MAGI2: variants seen among roughly 807,000 people sequenced by gnomAD.
The protein encoded by MAGI2 is membrane associated guanylate kinase, WW and PDZ domain containing 2, also known as membrane-associated guanylate kinase, WW and PDZ domain-containing protein 2.
MAGI2 carries 35 observed loss-of-function variants against 133.3 expected under a neutral mutation model. That is an observed-to-expected ratio of 0.26 (90% CI 0.20 to 0.35). MAGI2 has a LOEUF of 0.35. Among genes scored for constraint, MAGI2 ranks in the 10% least tolerant of loss-of-function variants. The probability of loss-of-function intolerance (pLI) is 1.00; values close to 1 mark genes in which losing one functional copy is unlikely to be tolerated. For synonymous variants in MAGI2, 729 were observed against 710.6 expected (o/e 1.03, Z -0.41); for missense variants, 1,636 against 1,863.4 (o/e 0.88, Z 2.25).
At chr7:78,344,031 A>T in intron 8 of MAGI2, 71 bp from the exon 9 acceptor site, 1 of 1,419,748 alleles carries the variant, frequency 7.0e-7, no homozygotes, top group South Asian at 1.3e-5. Context: ...AGAGAAAGCC[A>T]GCCCCTGAGC....
In MAGI2 at chr7:78,178,118, T is replaced by C; in HGVS notation, c.2312-16A>G. On this transcript the variant is annotated splice_polypyrimidine_tract_variant and intron_variant, in intron 13 of 21. Transcript: ENST00000354212. ...TAATCTGGACCTGGCATAAAGGAGA[T>C]CCCATTGAGTAATGAATCCTGCCTC... The C allele has an allele frequency of 5.9e-6, 9 of 1,513,838 alleles. No homozygotes were observed. The highest frequency in any genetic ancestry group is 8.3e-6 in the Non-Finnish European group (9 of 1,089,396). The allele number at this position is 1,513,838 out of a possible 1,614,324, so 93.8% of individuals were successfully genotyped here.
intron 3 of MAGI2, among the ~76,000 whole-genome samples, chr7:78,589,084 T>C (rs960139554): frequency 8.5e-5 from 13 of 152,254 alleles, no homozygotes; most frequent in African/African-American, 2.6e-4. Context: ...GCTATTGTAT[T>C]CCCAAACTCC....
intron 5 of MAGI2, chr7:78,490,091 C>A: frequency 4.4e-6 from 2 of 456,212 alleles, no homozygotes; most frequent in South Asian, 6.0e-5. Context: ...CCAAGTTAAC[C>A]TCATTGAAAA....
At chr7:78,337,140 A>G (rs997611685) in intron 9 of MAGI2, among the ~76,000 whole-genome samples, 4 of 152,224 alleles carry the variant, frequency 2.6e-5, no homozygotes, top group Admixed American at 2.6e-4. Flanking sequence ...ATGTTACATC[A>G]AACTTGATTT....
At chr7:78,430,711 G>A (rs765462084) in intron 6 of MAGI2, among the ~76,000 whole-genome samples, 8 of 152,100 alleles carry the variant, frequency 5.3e-5, no homozygotes, top group Non-Finnish European at 1.0e-4. Flanking sequence ...CCCCAAAAGT[G>A]TAGTAATTTG....
intron 21 of MAGI2, among the ~76,000 whole-genome samples, chr7:78,048,448 C>T (rs1176855640): frequency 2.6e-5 from 4 of 152,070 alleles, no homozygotes; most frequent in Non-Finnish European, 5.9e-5. Flanking sequence ...CTCGTTGTTC[C>T]TCACGCTCAT....
intron 20 of MAGI2, among the ~76,000 whole-genome samples, chr7:78,123,116 C>A (rs1820624754): frequency 6.6e-6 from 1 of 152,134 alleles, no homozygotes; most frequent in African/African-American, 2.4e-5. Context: ...GCAGACGTGA[C>A]AATGATATAT....
intron 1 of MAGI2, among the ~76,000 whole-genome samples, chr7:79,352,290 T>C (rs1473774470): frequency 1.3e-5 from 2 of 152,174 alleles, no homozygotes; most frequent in African/African-American, 2.4e-5. Flanking sequence ...TTTGTCTCAT[T>C]TGGGAAAATA....
intron 2 of MAGI2, among the ~76,000 whole-genome samples, chr7:79,005,457 T>G (rs897956027): frequency 7.9e-5 from 12 of 152,184 alleles, no homozygotes; most frequent in Non-Finnish European, 1.3e-4. Flanking sequence ...CGTAGTCTTC[T>G]TTGGTACTCT....
chr7:78,609,820 T>A (rs566598164), intron 3 of MAGI2, among the ~76,000 whole-genome samples: 1 of 152,322 alleles, frequency 6.6e-6, no homozygotes, highest in African/African-American at 2.4e-5. Context: ...AGTAGGCTGA[T>A]TTCAACTTGA....
In MAGI2 at chr7:79,131,536, G is replaced by A. The variant is rs73143479; in HGVS notation, c.302-124330C>T. ...ACAATTATTTCTGATAAAGTTAAAT[G>A]TTGTTACCTGCATTTTACAGATGAG... On this transcript the variant is annotated intron_variant, in intron 1 of 21. Coordinates refer to ENST00000354212, the MANE Select transcript of MAGI2 (RefSeq NM_012301.4). 4.5e-3 allele frequency among the ~76,000 whole-genome samples: 689 copies of A among 152,254 alleles called. 3 individuals are homozygous for A. Among genetic ancestry groups the A allele is most frequent in the Non-Finnish European group, 8.2e-3 (557 of 68,028 alleles).
Position 78,443,059 on chromosome 7 carries a change from T to C in MAGI2, c.1045+46702A>G, listed in dbSNP as rs186845519. Among the ~76,000 whole-genome samples the C allele has an allele frequency of 1.6e-3, 250 of 152,308 alleles. 1 individual carries two copies. Among genetic ancestry groups the C allele is most frequent in the Non-Finnish European group, 2.1e-3 (145 of 68,034 alleles). ...ATGGTTTGTATCTTATTTCCAGTTA[T>C]TGCACAGTAAGCATGTGGCCCTGTG... is the stretch of plus-strand genomic sequence containing the variant. On this transcript the variant is annotated intron_variant, in intron 6 of 21. Coordinates refer to ENST00000354212, the MANE Select transcript of MAGI2 (RefSeq NM_012301.4).
chr7:78,162,264 G>A (rs1825102634), intron 15 of MAGI2, among the ~76,000 whole-genome samples: 1 of 151,844 alleles, frequency 6.6e-6, no homozygotes, highest in South Asian at 2.1e-4. Flanking sequence ...GGTGGCTCAC[G>A]CCTGTAATCC....
chr7:78,533,655 T>C (rs910212079), intron 3 of MAGI2, among the ~76,000 whole-genome samples: 1 of 152,156 alleles, frequency 6.6e-6, no homozygotes, highest in Non-Finnish European at 1.5e-5. Context: ...GCTGTAAATA[T>C]AAATTGCACA....
chr7:79,031,126 T>C (rs1273412246), intron 1 of MAGI2, among the ~76,000 whole-genome samples: 1 of 152,300 alleles, frequency 6.6e-6, no homozygotes, highest in African/African-American at 2.4e-5. Context: ...CTTACTCTTG[T>C]TATCATGTTT....
intron 1 of MAGI2, among the ~76,000 whole-genome samples, chr7:79,372,142 T>C (rs1193207897): frequency 6.6e-6 from 1 of 152,116 alleles, no homozygotes; most frequent in Non-Finnish European, 1.5e-5. Flanking sequence ...GCTTTCTTGG[T>C]GGACAGATTA....
intron 8 of MAGI2, 105 bp downstream of exon 8, chr7:78,345,816 CA>C (rs1302399472): frequency 1.3e-6 from 2 of 1,492,538 alleles, no homozygotes; most frequent in African/African-American, 2.8e-5. Context: ...CTGGAGAAAG[CA>C]AATCAATTTT....
At chr7:79,445,715 G>T (rs1204769805) in intron 1 of MAGI2, among the ~76,000 whole-genome samples, 3 of 152,200 alleles carry the variant, frequency 2.0e-5, no homozygotes, top group Non-Finnish European at 4.4e-5. Context: ...TACACTGTTG[G>T]TGGGACTGTA....
intron 2 of MAGI2, among the ~76,000 whole-genome samples, chr7:78,852,957 A>C (rs529168690): frequency 1.3e-5 from 2 of 152,214 alleles, no homozygotes; most frequent in Non-Finnish European, 2.9e-5. Context: ...TCTTCAATAC[A>C]AAGTTGCTGT....
Sources: gnomAD v4.1 joint callset for allele counts (sites outside exome capture counted in the v4.1 genomes callset) on GRCh38, gnomAD v4.1.1 for gene constraint, MANE v1.5 for transcripts, NCBI Gene and HGNC (gene_info 2026-07-23, HGNC 2026-07-21) for gene names.